The following ACTR3C variants were observed in gnomAD, a reference collection of about 807,000 sequenced individuals.
ACTR3C encodes the protein actin related protein 3C, also known as actin-related protein 3C.
In ACTR3C, 18 loss-of-function variants were observed where a neutral mutation model predicts 26.3. The observed-to-expected ratio is 0.68, with a 90% confidence interval of 0.47 to 1.01. The LOEUF (loss-of-function observed/expected upper bound fraction) is 1.01, where lower values mean the gene tolerates loss of function less well. Among genes scored for constraint, ACTR3C ranks in the 50% least tolerant of loss-of-function variants. The probability of loss-of-function intolerance (pLI) is 0.00; values close to 1 mark genes in which losing one functional copy is unlikely to be tolerated. For synonymous variants in ACTR3C, 55 were observed against 94.5 expected (o/e 0.58, Z 2.42); for missense variants, 184 against 250.7 (o/e 0.73, Z 1.80).
the ACTR3C span, among the ~76,000 whole-genome samples, chr7:150,125,212 T>G: frequency 4.6e-5 from 7 of 151,916 alleles, no homozygotes; most frequent in African/African-American, 1.7e-4. Context: ...AGGTATGACT[T>G]ACTCTACCAA....
chr7:149,957,794 C>T, the ACTR3C span, among the ~76,000 whole-genome samples: 320 of 151,962 alleles, frequency 2.1e-3, 2 homozygotes, highest in Non-Finnish European at 3.4e-3. Context: ...TATCTACCTT[C>T]TATTGGTTCT....
At chr7:149,957,670 C>T in the ACTR3C span, among the ~76,000 whole-genome samples, 1 of 151,958 alleles carries the variant, frequency 6.6e-6, no homozygotes, top group African/African-American at 2.4e-5. Context: ...CTGAGCCACA[C>T]TGCCAGCTTC....
At chr7:149,989,286 G>T in the ACTR3C span, among the ~76,000 whole-genome samples, 1 of 152,134 alleles carries the variant, frequency 6.6e-6, no homozygotes, top group African/African-American at 2.4e-5. Context: ...ACAGACTTAT[G>T]TTTGTGGGTG....
the ACTR3C span, among the ~76,000 whole-genome samples, chr7:150,209,310 C>CAG: frequency 0.014 from 1,711 of 125,464 alleles, 151 homozygotes; most frequent in African/African-American, 0.059. Context: ...GAGACAGAAA[C>CAG]AGAGAGAGAG....
At chr7:150,197,878 C>T in the ACTR3C span, among the ~76,000 whole-genome samples, 1 of 149,754 alleles carries the variant, frequency 6.7e-6, no homozygotes, top group Admixed American at 6.6e-5. Context: ...CCTCTCCCCT[C>T]TCCCCACGGT....
chr7:150,169,107 C>T, the ACTR3C span, among the ~76,000 whole-genome samples: 3 of 150,524 alleles, frequency 2.0e-5, no homozygotes, highest in South Asian at 6.2e-4. Context: ...GGGGGCTGGG[C>T]ACGGTGGCTC....
chr7:149,904,081 G>A, the ACTR3C span, among the ~76,000 whole-genome samples: 4 of 132,418 alleles, frequency 3.0e-5, no homozygotes, highest in Admixed American at 7.9e-5. Context: ...CACCACATCC[G>A]GCTAATTTTT....
chr7:150,140,369 C>A, the ACTR3C span, among the ~76,000 whole-genome samples: 1 of 151,948 alleles, frequency 6.6e-6, no homozygotes, highest in African/African-American at 2.4e-5. Context: ...TAAAATTATG[C>A]GTACACAAGG....
chr7:150,131,209 T>C, the ACTR3C span, among the ~76,000 whole-genome samples: 7 of 151,932 alleles, frequency 4.6e-5, no homozygotes, highest in Non-Finnish European at 1.0e-4. Flanking sequence ...GAACTTACTG[T>C]GCAATGAAGG....
At chr7:150,127,709 G>A in the ACTR3C span, among the ~76,000 whole-genome samples, 4 of 150,682 alleles carry the variant, frequency 2.7e-5, no homozygotes, top group Non-Finnish European at 4.4e-5. Context: ...AAATTTTTGC[G>A]ACTTGTATTA....
the ACTR3C span, among the ~76,000 whole-genome samples, chr7:150,229,580 G>A: frequency 1.3e-5 from 2 of 151,800 alleles, no homozygotes; most frequent in Non-Finnish European, 1.5e-5. Context: ...CGCCTCCCAC[G>A]TTCAAACAAT....
chr7:149,939,761 C>A, the ACTR3C span, among the ~76,000 whole-genome samples: 127,740 of 139,566 alleles, frequency 0.92, 59,184 homozygotes, highest in Non-Finnish European at 0.99. Context: ...ATACAAAAAC[C>A]TGTGTGCCCT....
At chr7:150,248,848 C>T (rs2129608984) in intron 7 of ACTR3C, 100 bp downstream of exon 7, 2 of 430,040 alleles carry the variant, frequency 4.7e-6, no homozygotes, top group South Asian at 6.9e-5. Context: ...CATAAAAATG[C>T]TTCAATAAGC....
At chr7:150,038,374 G>C in the ACTR3C span, among the ~76,000 whole-genome samples, 449 of 143,124 alleles carry the variant, frequency 3.1e-3, 3 homozygotes, top group African/African-American at 0.012. Context: ...AATGGAAAAG[G>C]CTTTGTCAGG....
chr7:150,198,747 G>C, the ACTR3C span, among the ~76,000 whole-genome samples: 301 of 144,662 alleles, frequency 2.1e-3, 5 homozygotes, highest in African/African-American at 8.0e-3. Flanking sequence ...CGTCCGGGAG[G>C]GAGGTGGGGG....
At chr7:149,988,298 C>G in the ACTR3C span, among the ~76,000 whole-genome samples, 1 of 152,318 alleles carries the variant, frequency 6.6e-6, no homozygotes, top group Non-Finnish European at 1.5e-5. Flanking sequence ...TCACACATTT[C>G]TGGCATTACC....
the ACTR3C span, among the ~76,000 whole-genome samples, chr7:149,886,957 C>CA: frequency 8.4e-3 from 1,147 of 136,152 alleles, 8 homozygotes; most frequent in South Asian, 0.04. Context: ...GAGACTGACT[C>CA]AAAAAAAAAA....
the ACTR3C span, among the ~76,000 whole-genome samples, chr7:149,895,059 A>T: frequency 2.8e-3 from 407 of 143,850 alleles, 1 homozygote; most frequent in African/African-American, 0.01. Context: ...TCAGCCATTT[A>T]AAAAAAAAAA....
chr7:150,266,134 T>C (rs947854938), intron 6 of ACTR3C, among the ~76,000 whole-genome samples: 27 of 148,644 alleles, frequency 1.8e-4, no homozygotes, highest in Non-Finnish European at 3.7e-4. Context: ...ATAGGTTTTT[T>C]AACTAAAAAA....
Sources: gnomAD v4.1 joint callset for allele counts (sites outside exome capture counted in the v4.1 genomes callset) on GRCh38, gnomAD v4.1.1 for gene constraint, MANE v1.5 for transcripts, NCBI Gene and HGNC (gene_info 2026-07-23, HGNC 2026-07-21) for gene names.